TMEM243: variants seen among roughly 807,000 people sequenced by gnomAD.
TMEM243 encodes the protein MDR1 and mitochondrial taxol resistance associated.
A neutral mutation model predicts 15.0 loss-of-function variants in TMEM243; 20 were observed. The ratio of observed to expected loss-of-function variants is 1.33; its 90% confidence interval spans 0.94 to 1.93. TMEM243 has a LOEUF of 1.93. Among genes scored for constraint, TMEM243 ranks in the 30% most tolerant of loss-of-function variants. The pLI is 0.00. For synonymous variants in TMEM243, 72 were observed against 52.7 expected (o/e 1.37, Z -1.59); for missense variants, 156 against 142.1 (o/e 1.10, Z -0.50).
At chr7:87,219,931 GCCC>G (rs1029255900), upstream of TMEM243, among the ~76,000 whole-genome samples, 2 of 152,166 alleles carry the variant, frequency 1.3e-5, no homozygotes, top group African/African-American at 2.4e-5. Flanking sequence ...CCCACACGTC[GCCC>G]CCCATTTTTA....
chr7:87,199,258 G>A (rs776444800), intron 1 of TMEM243: 1 of 470,512 alleles, frequency 2.1e-6, no homozygotes, highest in Non-Finnish European at 3.7e-6. Flanking sequence ...TGGCCAACTG[G>A]GGAAGGTTTC....
intron 1 of TMEM243, among the ~76,000 whole-genome samples, chr7:87,200,468 G>A (rs187596909): frequency 6.6e-6 from 1 of 152,262 alleles, no homozygotes; most frequent in Admixed American, 6.5e-5. Context: ...TTTTTGAGAA[G>A]CAAGAATATC....
At position 87,219,594 on chromosome 7, in the gene TMEM243, C is replaced by T; in HGVS notation, c.-91G>A. 8.4e-7 allele frequency: 1 copy of T among 1,191,088 alleles called. No homozygotes were observed. Among genetic ancestry groups the T allele is most frequent in the Non-Finnish European group, 1.2e-6 (1 of 814,106 alleles). 73.8% of individuals were successfully genotyped at this position (1,191,088 alleles called of 1,614,324 possible). A position where few individuals can be genotyped will look rare whatever the true frequency, so the allele number is the denominator to read the frequency against. On this transcript the variant is annotated 5_prime_UTR_variant, in exon 1 of 4. An upstream open reading frame in the 5' UTR loses its in-frame stop. Transcript: ENST00000257637. ...GGTCCACGACTGCAAGCCTCCTCCT[C>T]ACGGCTCCCGCATAGCCGAACCCGA...
rs974479882 is a variant in TMEM243, at chr7:87,196,473, A to T, written c.*163T>A. ...CCTTAAAGAAAAAGCAAAGTGATCT[A>T]GGATATGTCTCCCTTGCAAGAGGGA... is the stretch of plus-strand genomic sequence containing the variant. On this transcript the variant is annotated 3_prime_UTR_variant, in exon 4 of 4. Coordinates refer to ENST00000257637, the MANE Select transcript of TMEM243 (RefSeq NM_024315.4). 10 of 667,396 alleles carry T rather than the reference A, an allele frequency of 1.5e-5. No homozygotes were observed. Among genetic ancestry groups the T allele is most frequent in the Non-Finnish European group, 2.4e-5 (10 of 413,276 alleles). 41.3% of individuals were successfully genotyped at this position (667,396 alleles called of 1,614,324 possible).
At chr7:87,217,868 C>G in intron 1 of TMEM243, among the ~76,000 whole-genome samples, 1 of 152,200 alleles carries the variant, frequency 6.6e-6, no homozygotes. Flanking sequence ...TTGGCCCAAG[C>G]TGTTCAGAAA....
chr7:87,219,430 G>GCGTC lies in TMEM243; in HGVS notation c.73_74insGACG (p.Ala25GlyfsTer49). On this transcript the variant is annotated frameshift_variant, in exon 1 of 4. Coordinates refer to ENST00000257637, the MANE Select transcript of TMEM243 (RefSeq NM_024315.4). LOFTEE classifies it high-confidence loss of function. ...GGAGTCACAATCCGCACTCACCTTG[G>GCGTC]CGGACGTCTCCCCAAACAGAGGTCT... 6.2e-7 allele frequency: 1 copy of GCGTC among 1,614,172 alleles called. No homozygotes were observed. Among genetic ancestry groups the GCGTC allele is most frequent in the Non-Finnish European group, 8.5e-7 (1 of 1,179,992 alleles).
chr7:87,219,477 G>A lies in TMEM243; in HGVS notation c.27C>T (p.Tyr9=), dbSNP rs200215691. The A allele has an allele frequency of 3.3e-5, 54 of 1,614,202 alleles. No individual in the cohort carries two copies. The East Asian group carries it at 8.9e-4, about 27-fold the overall frequency. MEDFATRT[Y]GTSGLDNRPL... ...GTCTGTTGTCCAGGCCACTGGTGCC[G>A]TAGGTCCTGGTAGCAAAGTCCTCCA... Residue 9 remains tyrosine (Y), a synonymous_variant, in exon 1 of 4, where the codon TAC becomes TAT. Coordinates refer to ENST00000257637, the MANE Select transcript of TMEM243 (RefSeq NM_024315.4).
intron 1 of TMEM243, among the ~76,000 whole-genome samples, chr7:87,210,862 G>A (rs911235163): frequency 6.6e-6 from 1 of 152,342 alleles, no homozygotes; most frequent in Non-Finnish European, 1.5e-5. Flanking sequence ...AAATCTAGGC[G>A]GAGGCTCCCA....
chr7:87,215,810 T>C (rs1803065238), intron 1 of TMEM243, among the ~76,000 whole-genome samples: 1 of 152,210 alleles, frequency 6.6e-6, no homozygotes, highest in African/African-American at 2.4e-5. Flanking sequence ...CTATGTTTCT[T>C]ACAAAAGATG....
chr7:87,197,646 T>C lies in TMEM243; in HGVS notation c.234+295A>G, dbSNP rs944273818. The C allele has an allele frequency of 4.5e-6, 5 of 1,101,882 alleles. No individual in the cohort carries two copies. The East Asian group carries it at 8.4e-5, about 18-fold the overall frequency. The allele number at this position is 1,101,882 out of a possible 1,614,324, so 68.3% of individuals were successfully genotyped here. ...TACGTAGTCCTTGAGTGAAGATGAA[T>C]TAAGTAAATTAAAATCTTTGGCCAC... On this transcript the variant is annotated intron_variant, in intron 3 of 3. Coordinates refer to ENST00000257637, the MANE Select transcript of TMEM243 (RefSeq NM_024315.4).
chr7:87,204,944 G>A (rs1802097022), intron 1 of TMEM243, among the ~76,000 whole-genome samples: 1 of 152,244 alleles, frequency 6.6e-6, no homozygotes, highest in Admixed American at 6.5e-5. Context: ...ACCTCTGCCT[G>A]GACATCCAGG....
Position 87,219,535 on chromosome 7 carries a change from TA to T in TMEM243, c.-33del. 6.2e-7 allele frequency: 1 copy of T among 1,605,410 alleles called. No individual in the cohort carries two copies. The highest frequency in any genetic ancestry group is 1.1e-5 in the South Asian group (1 of 90,820). ...GTTTCTTCACTTTCCCCAAGCCACT[TA>T]AAAGCAAGACAGCATGACCTCCCGA... On this transcript the variant is annotated 5_prime_UTR_variant, in exon 1 of 4. It removes the in-frame stop codon of an upstream open reading frame in the 5' UTR. Coordinates refer to ENST00000257637, the MANE Select transcript of TMEM243 (RefSeq NM_024315.4).
chr7:87,209,706 G>GAGAGCGAGACACAGTGAGAGCGAGACAC (rs1562885177), intron 1 of TMEM243, among the ~76,000 whole-genome samples: 3 of 140,980 alleles, frequency 2.1e-5, no homozygotes, highest in East Asian at 2.0e-4. Flanking sequence ...GAGACACAGT[G>GAGAGCGAGACACAGTGAGAGCGAGACAC]AGAGCGAGAC....
intron 1 of TMEM243, among the ~76,000 whole-genome samples, chr7:87,200,065 G>A (rs1290104902): frequency 1.3e-5 from 2 of 152,118 alleles, no homozygotes; most frequent in Non-Finnish European, 2.9e-5. Flanking sequence ...AGCAGCAACC[G>A]AATTCTCATT....
chr7:87,211,101 T>C (rs1361834842), intron 1 of TMEM243, among the ~76,000 whole-genome samples: 4 of 152,214 alleles, frequency 2.6e-5, no homozygotes. Context: ...TGTGAAGCTC[T>C]CTGAAATTCC....
At position 87,197,994 on chromosome 7, in the gene TMEM243, T is replaced by C; in HGVS notation, c.181A>G (p.Asn61Asp). ...VFPQLPPKPL[N>D]IFFAVCISLS... ...GAGATGCAGACAGCAAAGAATATAT[T>C]CAACGGTTTTGGAGGTAGTTGAGGG... Residue 61 changes from asparagine to aspartate, a missense_variant, in exon 3 of 4, where the codon AAT becomes GAT. Asn to Asp is a conservative substitution (Grantham distance 23). Coordinates refer to ENST00000257637, the MANE Select transcript of TMEM243 (RefSeq NM_024315.4). The C allele has an allele frequency of 6.2e-7, 1 of 1,613,016 alleles. No individual in the cohort carries two copies. The highest frequency in any genetic ancestry group is 8.5e-7 in the Non-Finnish European group (1 of 1,179,302).
At chr7:87,215,166 CAGTT>C (rs1462169968) in intron 1 of TMEM243, among the ~76,000 whole-genome samples, 1 of 152,152 alleles carries the variant, frequency 6.6e-6, no homozygotes, top group Non-Finnish European at 1.5e-5. Flanking sequence ...AAAAGTATCT[CAGTT>C]TGTTTTCTGT....
intron 1 of TMEM243, among the ~76,000 whole-genome samples, chr7:87,214,497 T>C (rs541416723): frequency 6.6e-6 from 1 of 152,194 alleles, no homozygotes; most frequent in Non-Finnish European, 1.5e-5. Context: ...ATCTAGTGAA[T>C]GCTCTAGGGA....
intron 1 of TMEM243, chr7:87,216,816 T>G (rs949953402): frequency 1.3e-5 from 2 of 152,178 alleles, no homozygotes; most frequent in African/African-American, 4.8e-5. Flanking sequence ...CTGGAGCACT[T>G]TGAGAAGCAA....
Sources: allele counts gnomAD v4.1 joint callset (sites outside exome capture counted in the v4.1 genomes callset), GRCh38; gene constraint gnomAD v4.1.1; transcripts MANE v1.5; gene names NCBI Gene and HGNC (gene_info 2026-07-23, HGNC 2026-07-21).